The following RNF168 variants were observed in gnomAD, a reference collection of about 807,000 sequenced individuals.
The protein encoded by RNF168 is E3 ubiquitin-protein ligase RNF168.
A neutral mutation model predicts 34.9 loss-of-function variants in RNF168; 34 were observed. The observed-to-expected ratio is 0.97, with a 90% CI of 0.74 to 1.30. The LOEUF (loss-of-function observed/expected upper bound fraction) is 1.30, where lower values mean the gene tolerates loss of function less well. RNF168 is among the 50% of genes most tolerant of loss of function. The pLI is 0.00. For synonymous variants in RNF168, 264 were observed against 254.7 expected, an observed-to-expected ratio of 1.04 and a Z score of -0.35; for missense variants, 725 against 682.5, an observed-to-expected ratio of 1.06 and a Z score of -0.69.
At chr3:196,489,310 G>A (rs890244124) in intron 1 of RNF168, among the ~76,000 whole-genome samples, 2 of 150,822 alleles carry the variant, frequency 1.3e-5, no homozygotes, top group East Asian at 2.0e-4. Context: ...TAGCAGAGGA[G>A]GTTAACTGAT....
chr3:196,472,743 T>G lies in RNF168; in HGVS notation c.792A>C (p.Pro264=). ...KDIDSSDRKS[P]TGQDTEIEDM... ...CTTCTATTTCTGTGTCTTGCCCTGT[T>G]GGGCTTTTCCTATCACTACTGTCAA... Residue 264 remains proline, a synonymous_variant, in exon 6 of 6, where the codon CCA becomes CCC. Coordinates refer to ENST00000318037, the MANE Select transcript of RNF168 (RefSeq NM_152617.4). 1 of 1,610,700 alleles carries G rather than the reference T, an allele frequency of 6.2e-7. No homozygotes were observed. The highest frequency in any genetic ancestry group is 1.7e-5 in the Admixed American group (1 of 59,982).
Position 196,502,945 on chromosome 3 carries a change from A to C in RNF168, c.229T>G (p.Trp77Gly). 6.2e-7 allele frequency: 1 copy of C among 1,614,112 alleles called. No individual in the cohort carries two copies. Among genetic ancestry groups the C allele is most frequent in the Non-Finnish European group, 8.5e-7 (1 of 1,179,972 alleles). ...GGATAGTGTTTTTGAATTATCGTCCACAGTTCCACGTTGACGAGAGAATTT... is the reference window on the plus strand; with the variant it reads ...GGATAGTGTTTTTGAATTATCGTCCCCAGTTCCACGTTGACGAGAGAATTT... The part of the protein sequence containing the change: ...RRNSLVNVEL[W>G]TIIQKHYPRE... Residue 77 changes from tryptophan (W) to glycine (G), a missense_variant, in exon 1 of 6, where the codon TGG (tryptophan) becomes GGG (glycine). Transcript: ENST00000318037.
At chr3:196,492,158 A>G (rs1005858650) in intron 1 of RNF168, among the ~76,000 whole-genome samples, 5 of 152,322 alleles carry the variant, frequency 3.3e-5, no homozygotes, top group African/African-American at 1.2e-4. Flanking sequence ...CTTTTACAAT[A>G]AAACTGGAAA....
intron 1 of RNF168, among the ~76,000 whole-genome samples, chr3:196,500,767 G>A (rs144543278): frequency 0.036 from 5,460 of 151,408 alleles, 205 homozygotes; most frequent in African/African-American, 0.088. Flanking sequence ...GCTGGAGTGC[G>A]GTGGCGTGAT....
intron 4 of RNF168, among the ~76,000 whole-genome samples, chr3:196,475,573 TAG>T (rs1159547693): frequency 3.2e-4 from 42 of 131,818 alleles, no homozygotes; most frequent in African/African-American, 1.2e-3. Context: ...TTTTTTGAGA[TAG>T]AGTCTCGCTC....
intron 3 of RNF168, among the ~76,000 whole-genome samples, chr3:196,486,753 A>C (rs1333243944): frequency 6.6e-6 from 1 of 152,276 alleles, no homozygotes; most frequent in East Asian, 1.9e-4. Flanking sequence ...TTCATTCTTC[A>C]CTGAATAGCT....
At chr3:196,475,164 A>G in intron 5 of RNF168, 67 bp downstream of exon 5, 1 of 899,414 alleles carries the variant, frequency 1.1e-6, no homozygotes, top group African/African-American at 1.6e-5. Context: ...GTAGAAAACT[A>G]TGGATAGCAC....
In RNF168 at chr3:196,471,300, A is replaced by G. The variant is rs888866126; in HGVS notation, c.*519T>C. On this transcript the variant is annotated 3_prime_UTR_variant, in exon 6 of 6. Coordinates refer to ENST00000318037, the MANE Select transcript of RNF168 (RefSeq NM_152617.4). ...CGTCTAAAAAAAAAAAACAAACACC[A>G]AAGGAAATGCTACAATGCTGAAAAT... is the stretch of plus-strand genomic sequence containing the variant. The G allele has an allele frequency of 6.6e-6, 1 of 151,588 alleles. No homozygotes were observed. Among genetic ancestry groups the G allele is most frequent in the African/African-American group, 2.4e-5 (1 of 41,376 alleles). The allele number at this position is 151,588 out of a possible 1,614,324, so 9.4% of individuals were successfully genotyped here.
At chr3:196,488,880 C>T (rs954870975) in intron 1 of RNF168, among the ~76,000 whole-genome samples, 197 bp from the exon 2 acceptor site, 3 of 151,960 alleles carry the variant, frequency 2.0e-5, no homozygotes, top group Non-Finnish European at 2.9e-5. Context: ...GAGACAGAGC[C>T]TTGCTCTGCT....
chr3:196,475,226 C>T lies in RNF168; in HGVS notation c.762+5G>A. On this transcript the variant is annotated splice_donor_5th_base_variant and intron_variant, in intron 5 of 5. Coordinates refer to ENST00000318037, the MANE Select transcript of RNF168 (RefSeq NM_152617.4). ...AAACTCAGAACATCTTCAGTATCAA[C>T]ATACCTTAGATACGGAGTCTTTCCT... 1.3e-6 allele frequency: 2 copies of T among 1,513,394 alleles called. No homozygotes were observed. The highest frequency in any genetic ancestry group is 1.8e-6 in the Non-Finnish European group (2 of 1,088,214). The allele number at this position is 1,513,394 out of a possible 1,614,324, so 93.7% of individuals were successfully genotyped here.
chr3:196,488,491 A>T, intron 2 of RNF168, 116 bp downstream of exon 2: 1 of 657,380 alleles, frequency 1.5e-6, no homozygotes, highest in Non-Finnish European at 2.7e-6. Flanking sequence ...CAAAAAAAAA[A>T]AATTATCCAT....
intron 1 of RNF168, among the ~76,000 whole-genome samples, chr3:196,497,895 A>G (rs1256436794): frequency 1.3e-5 from 2 of 152,198 alleles, no homozygotes; most frequent in African/African-American, 2.4e-5. Flanking sequence ...AATATAAACA[A>G]TTTAGGGGAA....
intron 1 of RNF168, among the ~76,000 whole-genome samples, chr3:196,498,747 C>A (rs913689574): frequency 1.3e-5 from 2 of 152,248 alleles, no homozygotes; most frequent in Admixed American, 1.3e-4. Context: ...GTAATCCCAG[C>A]ACTTTGGGAG....
Position 196,471,962 on chromosome 3 carries a change from T to C in RNF168, c.1573A>G (p.Met525Val), listed in dbSNP as rs765402022. 1 of 1,614,168 alleles carries C rather than the reference T, an allele frequency of 6.2e-7. No homozygotes were observed. The highest frequency in any genetic ancestry group is 1.1e-5 in the South Asian group (1 of 91,092). The change falls in exon 6 of 6, where the codon ATG (methionine) becomes GTG (valine). Residue 525 changes from methionine (M) to valine (V), a missense_variant. Transcript: ENST00000318037. ...RDKNRQVSLKMQLKQSVNRRK... is the reference protein window; with the variant it reads ...RDKNRQVSLKVQLKQSVNRRK... ...CTATTAACTGACTGCTTCAACTGCATCTTTAAAGACACTTGCCTATTTTTG... is the reference window on the plus strand; with the variant it reads ...CTATTAACTGACTGCTTCAACTGCACCTTTAAAGACACTTGCCTATTTTTG...
intron 4 of RNF168, among the ~76,000 whole-genome samples, chr3:196,478,496 G>A (rs926099745): frequency 6.6e-6 from 1 of 152,094 alleles, no homozygotes. Context: ...GTGGCTCCAC[G>A]GGAGTCGCTC....
At chr3:196,501,338 T>C (rs1203606974) in intron 1 of RNF168, among the ~76,000 whole-genome samples, 1 of 152,172 alleles carries the variant, frequency 6.6e-6, no homozygotes, top group Non-Finnish European at 1.5e-5. Flanking sequence ...GTCCAGCCAA[T>C]GGATAAACAA....
chr3:196,484,841 A>G (rs907427941), intron 3 of RNF168, among the ~76,000 whole-genome samples: 1 of 152,084 alleles, frequency 6.6e-6, no homozygotes, highest in Non-Finnish European at 1.5e-5. Context: ...TGCTTTGTAA[A>G]GATGAGGTCT....
Position 196,470,545 on chromosome 3 carries a change from C to G in RNF168, c.*1274G>C, listed in dbSNP as rs1369065060. The G allele has an allele frequency of 2.0e-5, 3 of 152,184 alleles. No individual in the cohort carries two copies. The highest frequency in any genetic ancestry group is 7.4e-5 in the African/African-American group (3 of 40,792). 9.4% of individuals were successfully genotyped at this position (152,184 alleles called of 1,614,324 possible). A position where few individuals can be genotyped will look rare whatever the true frequency, so the allele number is the denominator to read the frequency against. Reference sequence around the variant, plus strand: ...CACCCCATCCAGCCTCAGCCTCATCCTCATCTGGACCCGTTTCTGACCAAC... The same window carrying G: ...CACCCCATCCAGCCTCAGCCTCATCGTCATCTGGACCCGTTTCTGACCAAC... On this transcript the variant is annotated 3_prime_UTR_variant, in exon 6 of 6. Transcript: ENST00000318037.
At chr3:196,483,098 C>CTT (rs1226392097) in intron 4 of RNF168, among the ~76,000 whole-genome samples, 1 of 144,332 alleles carries the variant, frequency 6.9e-6, no homozygotes. Flanking sequence ...ATTGTCACAT[C>CTT]TTTTTTTTTT....
Sources: allele counts gnomAD v4.1 joint callset (sites outside exome capture counted in the v4.1 genomes callset), GRCh38; gene constraint gnomAD v4.1.1; transcripts MANE v1.5; gene names NCBI Gene and HGNC (gene_info 2026-07-23, HGNC 2026-07-21).